Variants in ADCYAP1R1 observed in about 807,000 individuals in gnomAD.
ADCYAP1R1 encodes the protein ADCYAP receptor type I.
ADCYAP1R1 carries 44 observed loss-of-function variants against 67.6 expected under a neutral mutation model. The ratio of observed to expected loss-of-function variants is 0.65; its 90% CI spans 0.51 to 0.84. ADCYAP1R1 has a LOEUF of 0.84. Among genes scored for constraint, ADCYAP1R1 ranks in the 40% least tolerant of loss-of-function variants. ADCYAP1R1 has a pLI of 0.00. For missense variants in ADCYAP1R1, 477 were observed against 587.9 expected (o/e 0.81, Z 1.95); for synonymous variants, 222 against 219.6 (o/e 1.01, Z -0.10).
chr7:31,104,112 G>T (rs749191810), intron 14 of ADCYAP1R1, among the ~76,000 whole-genome samples: 2 of 152,138 alleles, frequency 1.3e-5, no homozygotes, highest in Non-Finnish European at 2.9e-5. Flanking sequence ...TTCTTAGTCT[G>T]GTGAGACTGA....
chr7:31,077,962 C>T (rs374859273), intron 3 of ADCYAP1R1, 29 bp from the exon 4 acceptor site: 5 of 1,543,982 alleles, frequency 3.2e-6, no homozygotes, highest in Admixed American at 1.8e-5. Context: ...TGTGGCTGGC[C>T]CCTCTCACCA....
intron 13 of ADCYAP1R1, among the ~76,000 whole-genome samples, chr7:31,094,079 G>C (rs952706787): frequency 5.3e-5 from 8 of 152,066 alleles, no homozygotes; most frequent in Non-Finnish European, 7.4e-5. Context: ...TGTTCAGCCA[G>C]GTTTTTTCTA....
chr7:31,055,036 C>T (rs909737236), intron 1 of ADCYAP1R1, among the ~76,000 whole-genome samples: 8 of 152,184 alleles, frequency 5.3e-5, no homozygotes, highest in South Asian at 2.1e-4. Flanking sequence ...TCAGCTGCGA[C>T]GTGTTTGTAC....
chr7:31,081,676 A>G, intron 5 of ADCYAP1R1, 37 bp from the exon 6 acceptor site: 1 of 1,558,778 alleles, frequency 6.4e-7, no homozygotes, highest in African/African-American at 1.4e-5. Context: ...ACTGTAAGCC[A>G]GGCATTTTGA....
In ADCYAP1R1 at chr7:31,106,739, G is replaced by A. The variant is rs1796665759; in HGVS notation, c.*55G>A. ...ATCCACAGGCTGGGACCGCAGGCAG[G>A]TGCCAGCCCACGCATGTTTGCGCCT... On this transcript the variant is annotated 3_prime_UTR_variant, in exon 16 of 16. Transcript: ENST00000304166. 4 of 1,510,378 alleles carry A rather than the reference G, an allele frequency of 2.6e-6. No individual in the cohort carries two copies. The highest frequency in any genetic ancestry group is 2.7e-5 in the South Asian group (2 of 74,930). 93.6% of individuals were successfully genotyped at this position (1,510,378 alleles called of 1,614,324 possible). A position where few individuals can be genotyped will look rare whatever the true frequency, so the allele number is the denominator to read the frequency against.
intron 13 of ADCYAP1R1, among the ~76,000 whole-genome samples, chr7:31,094,354 G>T (rs1244858052): frequency 6.6e-6 from 1 of 152,052 alleles, no homozygotes; most frequent in Non-Finnish European, 1.5e-5. Flanking sequence ...GGGCCCCGCT[G>T]CTCGCCTCAT....
At chr7:31,078,351 C>T (rs967404167) in intron 4 of ADCYAP1R1, among the ~76,000 whole-genome samples, 26 of 152,216 alleles carry the variant, frequency 1.7e-4, no homozygotes, top group African/African-American at 6.3e-4. Context: ...GTCACTCACC[C>T]TCCAGCCCAG....
At chr7:31,077,441 T>TTGTGTGTGG (rs1225521099) in intron 3 of ADCYAP1R1, among the ~76,000 whole-genome samples, 2 of 140,520 alleles carry the variant, frequency 1.4e-5, no homozygotes, top group Non-Finnish European at 3.1e-5. Context: ...ATATGTGTGA[T>TTGTGTGTGG]TGTGTGTGGT....
rs1309177352 is a variant in ADCYAP1R1 at position 31,102,295 on chromosome 7, GGGGCAGGCCACATCTGCA to G, written c.1047-935_1047-918del. Reference sequence around the variant, plus strand: ...CAGCCTGGGGGCAGGCCACATCTGCGGGGCAGGCCACATCTGCAGGGCAGAGCTGGACTCTCTGGGGGA... The same window carrying G: ...CAGCCTGGGGGCAGGCCACATCTGCGGGGCAGAGCTGGACTCTCTGGGGGA... On this transcript the variant is annotated intron_variant, in intron 13 of 15. Coordinates refer to ENST00000304166, the MANE Select transcript of ADCYAP1R1 (RefSeq NM_001118.5). The surrounding 1 kb of genome is among the most constrained non-coding windows in gnomAD (Gnocchi z 4.3). Among the ~76,000 whole-genome samples, 1 of 152,130 alleles carries G rather than the reference GGGGCAGGCCACATCTGCA, an allele frequency of 6.6e-6. No homozygotes were observed. The highest frequency in any genetic ancestry group is 2.4e-5 in the African/African-American group (1 of 41,442).
In ADCYAP1R1 at chr7:31,086,882, G is replaced by C. The variant is rs997624097; in HGVS notation, c.824-61G>C. On this transcript the variant is annotated intron_variant, in intron 10 of 15. Coordinates refer to ENST00000304166, the MANE Select transcript of ADCYAP1R1 (RefSeq NM_001118.5). The surrounding 1 kb of genome is among the most constrained non-coding windows in gnomAD (Gnocchi z 5.0). ...TAGCCTCTCGGAGCCCCAGGTCTAC[G>C]GTGGACATTGGACATGTTGGTTTTC... 24 of 1,554,764 alleles carry C rather than the reference G, an allele frequency of 1.5e-5. No homozygotes were observed. The Middle Eastern group carries it at 6.8e-4, about 44-fold the overall frequency.
At chr7:31,100,588 C>G (rs376175858) in intron 13 of ADCYAP1R1, among the ~76,000 whole-genome samples, 26 of 152,186 alleles carry the variant, frequency 1.7e-4, no homozygotes, top group Non-Finnish European at 3.7e-4. Context: ...GACCTTCCCC[C>G]ACACAGGGCA....
At chr7:31,060,443 G>T (rs563926091) in intron 1 of ADCYAP1R1, among the ~76,000 whole-genome samples, 1 of 152,246 alleles carries the variant, frequency 6.6e-6, no homozygotes, top group East Asian at 1.9e-4. Flanking sequence ...TGTTCTGTGT[G>T]TGGTCCTCTA....
intron 14 of ADCYAP1R1, 42 bp from the exon 15 acceptor site, chr7:31,104,826 G>A: frequency 6.2e-7 from 1 of 1,610,756 alleles, no homozygotes; most frequent in Non-Finnish European, 8.5e-7. Flanking sequence ...ATTTCAGAAA[G>A]TCCTTTGCTA....
chr7:31,071,920 T>C (rs373081523), intron 3 of ADCYAP1R1, among the ~76,000 whole-genome samples: 30 of 152,190 alleles, frequency 2.0e-4, no homozygotes, highest in African/African-American at 7.2e-4. Flanking sequence ...TCCCCCAACA[T>C]CTGGTTCTCA....
At chr7:31,083,833 G>A (rs1320805849) in intron 6 of ADCYAP1R1, among the ~76,000 whole-genome samples, 1 of 152,196 alleles carries the variant, frequency 6.6e-6, no homozygotes, top group African/African-American at 2.4e-5. Flanking sequence ...TTTGAGAAGT[G>A]CTGATCCAGG....
intron 3 of ADCYAP1R1, among the ~76,000 whole-genome samples, chr7:31,066,820 C>T (rs1794756805): frequency 6.6e-6 from 1 of 152,182 alleles, no homozygotes; most frequent in African/African-American, 2.4e-5. Context: ...AATTGAGGGA[C>T]AGACGAATGG....
At position 31,102,073 on chromosome 7, in the gene ADCYAP1R1, G is replaced by A. The variant is rs536779318; in HGVS notation, c.1047-1164G>A. On this transcript the variant is annotated intron_variant, in intron 13 of 15. Coordinates refer to ENST00000304166, the MANE Select transcript of ADCYAP1R1 (RefSeq NM_001118.5). This position sits in a 1 kb window ranked among gnomAD's most constrained non-coding sequence, Gnocchi z 4.3. ...CAAGGGCCTCACACAGACTCCAAGA[G>A]TTCAGCTTCTCTAGAGATCTGGAGC... is the stretch of plus-strand genomic sequence containing the variant. 6.6e-6 allele frequency among the ~76,000 whole-genome samples: 1 copy of A among 152,352 alleles called. No homozygotes were observed. The highest frequency in any genetic ancestry group is 6.5e-5 in the Admixed American group (1 of 15,310).
intron 13 of ADCYAP1R1, among the ~76,000 whole-genome samples, chr7:31,092,987 A>AGACT (rs1796030239): frequency 6.6e-6 from 1 of 152,194 alleles, no homozygotes; most frequent in African/African-American, 2.4e-5. Flanking sequence ...CCTGAGAGAG[A>AGACT]GACTGACTAG....
chr7:31,066,268 C>T (rs1330530471), intron 3 of ADCYAP1R1, among the ~76,000 whole-genome samples: 2 of 152,214 alleles, frequency 1.3e-5, no homozygotes, highest in African/African-American at 2.4e-5. Flanking sequence ...ATTGTTCCTG[C>T]ATTGCGTGTC....
Sources: allele counts gnomAD v4.1 joint callset (sites outside exome capture counted in the v4.1 genomes callset), GRCh38; gene constraint gnomAD v4.1.1; non-coding constraint Gnocchi (gnomAD v3.1); transcripts MANE v1.5; gene names NCBI Gene and HGNC (gene_info 2026-07-23, HGNC 2026-07-21).